Variants in PCM1 observed in about 807,000 individuals in gnomAD.
PCM1 encodes the protein pericentriolar material 1 protein.
Under a neutral mutation model 241.9 loss-of-function variants are expected in PCM1, and 157 were observed. The ratio of observed to expected loss-of-function variants is 0.65; its 90% CI spans 0.57 to 0.74. The LOEUF (loss-of-function observed/expected upper bound fraction) is 0.74, where lower values mean the gene tolerates loss of function less well. Ranked by LOEUF, PCM1 falls within the 30% of genes least tolerant of loss-of-function variation. The pLI is 0.00. For missense variants in PCM1, 3,478 were observed against 2,360.1 expected, an observed-to-expected ratio of 1.47 and a Z score of -9.81; for synonymous variants, 1,085 against 784.9, an observed-to-expected ratio of 1.38 and a Z score of -6.39.
At position 17,962,069 on chromosome 8, in the gene PCM1, A is replaced by C. The variant is rs1236309186; in HGVS notation, c.2358A>C (p.Lys786Asn). The change falls in exon 16 of 39, where the codon AAA becomes AAC. Residue 786 changes from lysine (K) to asparagine (N), a missense_variant. Coordinates refer to ENST00000325083, the MANE Select transcript of PCM1 (RefSeq NM_006197.4). ...CTAGTGTGGGTAACTGTCCCACCAA[A>C]AAATATATGCCAGCTGTTACTTCAA... is the stretch of plus-strand genomic sequence containing the variant. ...SAASVGNCPT[K>N]KYMPAVTSTP... is the part of the protein sequence containing the mutation. 3 of 1,611,896 alleles carry C rather than the reference A, an allele frequency of 1.9e-6. No homozygotes were observed. In the African/African-American group the frequency reaches 4.0e-5, roughly 22 times the overall value.
intron 29 of PCM1, among the ~76,000 whole-genome samples, chr8:17,997,871 C>CA (rs547331477): frequency 3.2e-3 from 371 of 115,990 alleles, no homozygotes; most frequent in African/African-American, 4.7e-3. Context: ...CTACAACATA[C>CA]AAAAAAAAAA....
intron 30 of PCM1, among the ~76,000 whole-genome samples, chr8:18,008,389 C>T (rs188264073): frequency 6.6e-6 from 1 of 152,066 alleles, no homozygotes; most frequent in East Asian, 1.9e-4. Flanking sequence ...AAGCTCAGGG[C>T]TCCCACTGAT....
In PCM1 at chr8:18,027,860, G is replaced by GT; in HGVS notation, c.*199dup. On this transcript the variant is annotated 3_prime_UTR_variant, in exon 39 of 39. Coordinates refer to ENST00000325083, the MANE Select transcript of PCM1 (RefSeq NM_006197.4). ...GGACAGATTTAAGCCTTGACACACTGTGTTTTTTTTTTTTTCCCCCTTCTT... is the reference window on the plus strand; with the variant it reads ...GGACAGATTTAAGCCTTGACACACTGTTGTTTTTTTTTTTTTCCCCCTTCTT... 8 of 382,926 alleles carry GT rather than the reference G, an allele frequency of 2.1e-5. No homozygotes were observed. Among genetic ancestry groups the GT allele is most frequent in the East Asian group, 3.8e-5 (1 of 26,662 alleles). The allele number at this position is 382,926 out of a possible 1,614,324, so 23.7% of individuals were successfully genotyped here. A position where few individuals can be genotyped will look rare whatever the true frequency, so the allele number is the denominator to read the frequency against.
intron 7 of PCM1, 21 bp downstream of exon 7, chr8:17,947,384 ATTC>A: frequency 6.6e-7 from 1 of 1,523,982 alleles, no homozygotes. Context: ...GTCTGAGAAT[ATTC>A]TTTTTGTAAG....
Position 17,980,621 on chromosome 8 carries a change from G to C in PCM1, c.3974G>C (p.Cys1325Ser). ...GAAAGTGCCAGTATGTCTAGCACAT[G>C]TGAACCTTGCAAAAGTAGGAACAGA... is the stretch of plus-strand genomic sequence containing the variant. Reference protein sequence around the residue: ...RYESASMSSTCEPCKSRNRHS... With the variant: ...RYESASMSSTSEPCKSRNRHS... Residue 1325 changes from cysteine to serine, a missense_variant, in exon 24 of 39, where the codon TGT (cysteine) becomes TCT (serine). Transcript: ENST00000325083. 6.2e-7 allele frequency: 1 copy of C among 1,612,734 alleles called. No individual in the cohort carries two copies. The highest frequency in any genetic ancestry group is 8.5e-7 in the Non-Finnish European group (1 of 1,179,382).
At chr8:17,950,472 C>A in intron 7 of PCM1, 143 bp from the exon 8 acceptor site, 1 of 579,740 alleles carries the variant, frequency 1.7e-6, no homozygotes, top group Admixed American at 3.3e-5. Context: ...TGATTGTTGG[C>A]AGATAGATCG....
Position 17,928,616 on chromosome 8 carries a change from C to CTTTT in PCM1, c.-23+3861_-23+3864dup, listed in dbSNP as rs71215287. ...TCTTCTGCATTTTTAGTATCTCCCT[C>CTTTT]TTTTTTTTTTTTTTTTTTTTTTTTT... On this transcript the variant is annotated intron_variant, in intron 2 of 38. Coordinates refer to ENST00000325083, the MANE Select transcript of PCM1 (RefSeq NM_006197.4). Among the ~76,000 whole-genome samples, 4 of 82,586 alleles carry CTTTT rather than the reference C, an allele frequency of 4.8e-5. 1 individual carries two copies. The highest frequency in any genetic ancestry group is 5.6e-4 in the East Asian group (2 of 3,542). The allele number at this position is 82,586 out of a possible 152,430, so 54.2% of individuals were successfully genotyped here. A position where few individuals can be genotyped will look rare whatever the true frequency, so the allele number is the denominator to read the frequency against.
rs763726627 is a variant in PCM1 at position 17,939,740 on chromosome 8, C to G, written c.662C>G (p.Ser221Cys). ...CGCGATTATATTACTAAAGCTAGTT[C>G]CATGCGGGAAGATCTTGTAGAGAAA... ...QIRDYITKASSMREDLVEKNE... is the reference protein window; with the variant it reads ...QIRDYITKASCMREDLVEKNE... Residue 221 changes from serine (S) to cysteine (C), a missense_variant, in exon 6 of 39, where the codon TCC becomes TGC. Transcript: ENST00000325083. 6.4e-6 allele frequency: 10 copies of G among 1,558,788 alleles called. No individual in the cohort carries two copies. Among genetic ancestry groups the G allele is most frequent in the African/African-American group, 4.1e-5 (3 of 73,592 alleles).
chr8:17,986,018 A>T lies in PCM1; in HGVS notation c.4341A>T (p.Val1447=). ...SHEKGENVKS[V]NSGTWIASNS... is the part of the protein sequence containing the mutation. Reference sequence around the variant, plus strand: ...AAAAAGGAGAAAATGTAAAGTCAGTAAACTCTGGTACTTGGATAGCATCAA... The same window carrying T: ...AAAAAGGAGAAAATGTAAAGTCAGTTAACTCTGGTACTTGGATAGCATCAA... The change falls in exon 26 of 39, where the codon GTA becomes GTT. Residue 1447 remains valine, a synonymous_variant. Coordinates refer to ENST00000325083, the MANE Select transcript of PCM1 (RefSeq NM_006197.4). 6.3e-7 allele frequency: 1 copy of T among 1,598,542 alleles called. No individual in the cohort carries two copies. The highest frequency in any genetic ancestry group is 8.6e-7 in the Non-Finnish European group (1 of 1,168,744).
chr8:17,951,920 A>G (rs543105580), intron 8 of PCM1, among the ~76,000 whole-genome samples: 1 of 152,224 alleles, frequency 6.6e-6, no homozygotes, highest in Non-Finnish European at 1.5e-5. Context: ...AAGTTTCATA[A>G]TTAAAAAAAA....
At chr8:17,956,844 C>A in intron 11 of PCM1, 67 bp downstream of exon 11, 2 of 1,227,304 alleles carry the variant, frequency 1.6e-6, no homozygotes, top group Non-Finnish European at 2.3e-6. Flanking sequence ...AATGTGGGAA[C>A]AAAAATACTT....
Position 18,014,689 on chromosome 8 carries a change from C to T in PCM1, c.5690C>T (p.Ser1897Leu), listed in dbSNP as rs2129486317. Residue 1897 changes from serine (S) to leucine (L), a missense_variant, in exon 36 of 39, where the codon TCA becomes TTA. Ser to Leu is a moderately radical substitution (Grantham distance 145). Transcript: ENST00000325083. ...AAGGAGTCACCTCCTACTGTTGATT[C>T]AACTCAACAGCCTAACCCTTTGCCG... ...AHKESPPTVDSTQQPNPLPLR... is the reference protein window; with the variant it reads ...AHKESPPTVDLTQQPNPLPLR... 1 of 1,613,634 alleles carries T rather than the reference C, an allele frequency of 6.2e-7. No individual in the cohort carries two copies. The highest frequency in any genetic ancestry group is 2.2e-5 in the East Asian group (1 of 44,792).
intron 2 of PCM1, among the ~76,000 whole-genome samples, chr8:17,928,296 G>T (rs906974966): frequency 1.3e-5 from 2 of 152,134 alleles, no homozygotes; most frequent in Non-Finnish European, 2.9e-5. Context: ...CCCTGAGTCC[G>T]TAGTGCTGCC....
At chr8:17,992,877 A>G (rs1045097808) in intron 28 of PCM1, among the ~76,000 whole-genome samples, 3 of 150,294 alleles carry the variant, frequency 2.0e-5, no homozygotes, top group Non-Finnish European at 4.4e-5. Flanking sequence ...TCAGCCTCCC[A>G]ATGTGCTGGG....
At chr8:17,964,090 G>A (rs2073810749) in intron 17 of PCM1, among the ~76,000 whole-genome samples, 1 of 152,124 alleles carries the variant, frequency 6.6e-6, no homozygotes, top group Non-Finnish European at 1.5e-5. Context: ...CAGTATGGCA[G>A]CCACTAGATA....
chr8:17,947,784 T>C (rs986795136), intron 7 of PCM1, among the ~76,000 whole-genome samples: 3 of 152,230 alleles, frequency 2.0e-5, no homozygotes, highest in Non-Finnish European at 4.4e-5. Context: ...AAAGTGTCTT[T>C]AACCTTCAAG....
At chr8:18,025,727 T>G (rs1377949603) in intron 38 of PCM1, 69 bp downstream of exon 38, 56 of 895,670 alleles carry the variant, frequency 6.3e-5, no homozygotes, top group Non-Finnish European at 9.0e-5. Flanking sequence ...TATTGTGTTT[T>G]ATTTTTTAAA....
chr8:18,026,957 T>A (rs547391721), intron 38 of PCM1, among the ~76,000 whole-genome samples: 170 of 152,342 alleles, frequency 1.1e-3, no homozygotes, highest in African/African-American at 4.0e-3. Flanking sequence ...TAAATATCAT[T>A]CATTGTAGAG....
rs553702773 is a variant in PCM1 at position 17,939,122 on chromosome 8, T to C, written c.612+113T>C. 4.7e-5 allele frequency: 44 copies of C among 926,686 alleles called. 1 individual carries two copies. In the South Asian group the frequency reaches 6.8e-4, roughly 14 times the overall value. The allele number at this position is 926,686 out of a possible 1,614,324, so 57.4% of individuals were successfully genotyped here. A position where few individuals can be genotyped will look rare whatever the true frequency, so the allele number is the denominator to read the frequency against. On this transcript the variant is annotated intron_variant, in intron 5 of 38. Transcript: ENST00000325083. ...GAATTTTAGTTGGGTGGAATTAAAGTGCTTCACTGACCTCCTTTGTTAATC... is the reference window on the plus strand; with the variant it reads ...GAATTTTAGTTGGGTGGAATTAAAGCGCTTCACTGACCTCCTTTGTTAATC...
Sources: gnomAD v4.1 joint callset for allele counts (sites outside exome capture counted in the v4.1 genomes callset) on GRCh38, gnomAD v4.1.1 for gene constraint, MANE v1.5 for transcripts, NCBI Gene and HGNC (gene_info 2026-07-23, HGNC 2026-07-21) for gene names.